Variants in DPYSL3 observed in about 807,000 individuals in gnomAD.
DPYSL3 encodes the protein dihydropyrimidinase like 3.
In DPYSL3, 16 loss-of-function variants were observed where a neutral mutation model predicts 66.1. That is an observed-to-expected ratio of 0.24 (90% CI 0.16 to 0.37). DPYSL3 has a LOEUF of 0.37. DPYSL3 is among the 10% of genes least tolerant of loss of function. DPYSL3 has a pLI of 1.00. For synonymous variants in DPYSL3, 338 were observed against 345.1 expected, an observed-to-expected ratio of 0.98 and a Z score of 0.23; for missense variants, 738 against 916.2, an observed-to-expected ratio of 0.81 and a Z score of 2.51.
At chr5:147,504,975 A>G (rs1233653839) in intron 1 of DPYSL3, among the ~76,000 whole-genome samples, 1 of 152,218 alleles carries the variant, frequency 6.6e-6, no homozygotes, top group Non-Finnish European at 1.5e-5. Flanking sequence ...GTGCATGGAA[A>G]AGCATCTTGA....
In DPYSL3 at chr5:147,433,888, T is replaced by G. The variant is rs571520245; in HGVS notation, c.382-8925A>C. On this transcript the variant is annotated intron_variant, in intron 1 of 13. Transcript: ENST00000343218. ...CTCTACTAAAAATACAAAAATTAAC[T>G]GGGCGTGGTGGCATCCCTGTAATCC... Among the ~76,000 whole-genome samples the G allele has an allele frequency of 1.1e-3, 174 of 152,100 alleles. 1 individual carries two copies. The highest frequency in any genetic ancestry group is 3.4e-3 in the Middle Eastern group (1 of 294).
intron 2 of DPYSL3, among the ~76,000 whole-genome samples, chr5:147,419,735 T>C (rs541527282): frequency 2.6e-5 from 4 of 152,178 alleles, no homozygotes; most frequent in Non-Finnish European, 5.9e-5. Context: ...CTCCAAGTTC[T>C]GCGACTAAAA....
intron 2 of DPYSL3, among the ~76,000 whole-genome samples, chr5:147,424,627 T>A (rs1267569314): frequency 6.6e-6 from 1 of 152,202 alleles, no homozygotes; most frequent in Non-Finnish European, 1.5e-5. Flanking sequence ...AGCCTTATAT[T>A]TTTAGGGTGC....
intron 1 of DPYSL3, among the ~76,000 whole-genome samples, chr5:147,450,403 C>T (rs556812354): frequency 3.3e-5 from 5 of 152,188 alleles, no homozygotes; most frequent in East Asian, 1.9e-4. Context: ...AGGCCCATCG[C>T]GAGACAGTGA....
chr5:147,437,811 A>T (rs2126363254), intron 1 of DPYSL3, among the ~76,000 whole-genome samples: 1 of 152,296 alleles, frequency 6.6e-6, no homozygotes, highest in Middle Eastern at 3.4e-3. Context: ...CTGACTGTAA[A>T]GCGAGGAAAA....
intron 7 of DPYSL3, among the ~76,000 whole-genome samples, chr5:147,406,900 A>G (rs1306805891): frequency 6.6e-6 from 1 of 152,184 alleles, no homozygotes; most frequent in African/African-American, 2.4e-5. Flanking sequence ...AGACAGACCT[A>G]AGAACTTGGC....
chr5:147,453,721 C>T, intron 1 of DPYSL3: 5 of 1,319,386 alleles, frequency 3.8e-6, no homozygotes, highest in Non-Finnish European at 4.8e-6. Context: ...CCGCCTCCGC[C>T]CGCCTCCGCC....
In DPYSL3 at chr5:147,460,215, C is replaced by T. The variant is rs989869469; in HGVS notation, c.382-35252G>A. Among the ~76,000 whole-genome samples the T allele has an allele frequency of 2.6e-5, 4 of 152,108 alleles. No homozygotes were observed. The South Asian group carries it at 8.3e-4, about 32-fold the overall frequency. On this transcript the variant is annotated intron_variant, in intron 1 of 13. Transcript: ENST00000343218. ...ACACACAAGTGAAGTTACATTCATACGAGGGGAAAAACTCTTGACAGCTCT... is the reference window on the plus strand; with the variant it reads ...ACACACAAGTGAAGTTACATTCATATGAGGGGAAAAACTCTTGACAGCTCT...
chr5:147,433,230 C>T (rs995636186), intron 1 of DPYSL3, among the ~76,000 whole-genome samples: 25 of 152,146 alleles, frequency 1.6e-4, no homozygotes, highest in Non-Finnish European at 3.1e-4. Context: ...AGTAGAGTGA[C>T]GGGGACCACC....
chr5:147,462,015 A>G (rs1292137212), intron 1 of DPYSL3, among the ~76,000 whole-genome samples: 1 of 152,110 alleles, frequency 6.6e-6, no homozygotes, highest in Non-Finnish European at 1.5e-5. Flanking sequence ...AGCACAGTTA[A>G]AGACCTGAAG....
intron 7 of DPYSL3, among the ~76,000 whole-genome samples, chr5:147,407,030 C>A (rs375637574): frequency 5.3e-4 from 80 of 152,082 alleles, no homozygotes; most frequent in Admixed American, 9.2e-4. Context: ...TACTCTGGAG[C>A]GGCTGTCTCT....
chr5:147,405,999 T>C, intron 7 of DPYSL3: 1 of 283,538 alleles, frequency 3.5e-6, no homozygotes, highest in Non-Finnish European at 6.6e-6. Context: ...AGAGGGTAAG[T>C]ACTTTTTCCT....
At chr5:147,482,657 G>A (rs1032519358) in intron 1 of DPYSL3, among the ~76,000 whole-genome samples, 1 of 152,192 alleles carries the variant, frequency 6.6e-6, no homozygotes, top group African/African-American at 2.4e-5. Flanking sequence ...GGTTGAGAAA[G>A]TCTCTATCAA....
rs375856381 is a variant in DPYSL3 at position 147,426,000 on chromosome 5, ACCATCCATCCAT to A, written c.382-1049_382-1038del. ...GCTTCACAAAGATATTTCAACTCCA[ACCATCCATCCAT>A]CCATCCATCCATCCATCCATCCATC... On this transcript the variant is annotated intron_variant, in intron 1 of 13. Coordinates refer to ENST00000343218, the MANE Select transcript of DPYSL3 (RefSeq NM_001197294.2). Among the ~76,000 whole-genome samples, 85 of 150,130 alleles carry A rather than the reference ACCATCCATCCAT, an allele frequency of 5.7e-4. No homozygotes were observed. In the South Asian group the frequency reaches 0.014, roughly 24 times the overall value.
intron 1 of DPYSL3, among the ~76,000 whole-genome samples, chr5:147,435,885 C>T (rs933779013): frequency 1.3e-4 from 20 of 152,086 alleles, no homozygotes; most frequent in African/African-American, 4.8e-4. Context: ...GCATCCAGGG[C>T]CTACCAGCAT....
chr5:147,499,502 A>T (rs1753571661), intron 1 of DPYSL3, among the ~76,000 whole-genome samples: 1 of 152,202 alleles, frequency 6.6e-6, no homozygotes, highest in South Asian at 2.1e-4. Context: ...AATCTAAAAA[A>T]AAGTGTGAGA....
chr5:147,492,115 C>G (rs1337098385), intron 1 of DPYSL3, among the ~76,000 whole-genome samples: 2 of 151,770 alleles, frequency 1.3e-5, no homozygotes, highest in African/African-American at 4.8e-5. Context: ...TCTTCAGAAA[C>G]CAGAAAAGAG....
chr5:147,472,681 G>C (rs950731476), intron 1 of DPYSL3: 2 of 152,054 alleles, frequency 1.3e-5, no homozygotes, highest in Non-Finnish European at 2.9e-5. Flanking sequence ...GTATCTCTCT[G>C]TTTTTCAAAT....
rs372387573 is a variant in DPYSL3, at chr5:147,417,897, T to C, written c.655+550A>G. Reference sequence around the variant, plus strand: ...CAGATGCCTCCAGCGCCAGTTGCTTTTATGACATGACCAGCGTCCCAGTAG... The same window carrying C: ...CAGATGCCTCCAGCGCCAGTTGCTTCTATGACATGACCAGCGTCCCAGTAG... On this transcript the variant is annotated intron_variant, in intron 3 of 13. Coordinates refer to ENST00000343218, the MANE Select transcript of DPYSL3 (RefSeq NM_001197294.2). 5.3e-5 allele frequency among the ~76,000 whole-genome samples: 8 copies of C among 152,238 alleles called. No homozygotes were observed. The East Asian group carries it at 1.4e-3, about 26-fold the overall frequency.
Sources: allele counts gnomAD v4.1 joint callset (sites outside exome capture counted in the v4.1 genomes callset), GRCh38; gene constraint gnomAD v4.1.1; transcripts MANE v1.5; gene names NCBI Gene and HGNC (gene_info 2026-07-23, HGNC 2026-07-21).